The following EYS variants were observed in gnomAD, a reference collection of about 807,000 sequenced individuals.
The protein encoded by EYS is protein eyes shut homolog.
A neutral mutation model predicts 282.1 loss-of-function variants in EYS; 250 were observed. The observed-to-expected ratio is 0.89, with a 90% confidence interval of 0.80 to 0.98. EYS has a LOEUF of 0.98. Ranked by LOEUF, EYS falls within the 50% of genes least tolerant of loss-of-function variation. EYS has a pLI of 0.00. For missense variants in EYS, 4,016 were observed against 3,709.0 expected, an observed-to-expected ratio of 1.08 and a Z score of -2.15; for synonymous variants, 1,355 against 1,282.9, an observed-to-expected ratio of 1.06 and a Z score of -1.20.
intron 28 of EYS, among the ~76,000 whole-genome samples, chr6:64,404,011 T>G (rs570430154): frequency 6.6e-6 from 1 of 152,188 alleles, no homozygotes; most frequent in African/African-American, 2.4e-5. Flanking sequence ...ATTTCTTATA[T>G]TCTGTGCTGG....
intron 30 of EYS, among the ~76,000 whole-genome samples, chr6:64,306,684 T>C (rs1769457495): frequency 1.3e-5 from 2 of 152,198 alleles, no homozygotes. Context: ...ATTTTTAAAC[T>C]AACTCTGATA....
intron 15 of EYS, among the ~76,000 whole-genome samples, chr6:64,929,852 A>G (rs1768650380): frequency 6.6e-6 from 1 of 152,142 alleles, no homozygotes; most frequent in African/African-American, 2.4e-5. Context: ...ATTGATGTGG[A>G]GTCACACCTG....
At position 65,694,792 on chromosome 6, in the gene EYS, A is replaced by G. The variant is rs1582612327; in HGVS notation, c.-448+12343T>C. 2.2e-5 allele frequency among the ~76,000 whole-genome samples: 3 copies of G among 137,904 alleles called. 1 individual carries two copies. The South Asian group carries it at 7.3e-4, about 34-fold the overall frequency. 90.5% of individuals were successfully genotyped at this position (137,904 alleles called of 152,430 possible). ...AACCCTTAGCCATTTATATTTGTCC[A>G]TAGTTTGCTCTGCTATGTTAGATTG... On this transcript the variant is annotated intron_variant, in intron 1 of 42. Coordinates refer to ENST00000503581, the MANE Select transcript of EYS (RefSeq NM_001142800.2).
At chr6:64,981,103 T>C (rs554951217) in intron 14 of EYS, among the ~76,000 whole-genome samples, 2 of 151,460 alleles carry the variant, frequency 1.3e-5, no homozygotes, top group Middle Eastern at 6.8e-3. Flanking sequence ...GGATGAGCAA[T>C]TCATTCCTAT....
intron 14 of EYS, among the ~76,000 whole-genome samples, chr6:64,957,671 T>A (rs1419191444): frequency 6.6e-6 from 1 of 152,164 alleles, no homozygotes; most frequent in Non-Finnish European, 1.5e-5. Flanking sequence ...ATTTGATTAT[T>A]TCACATTGCA....
At chr6:65,419,372 G>T (rs552999385) in intron 5 of EYS, among the ~76,000 whole-genome samples, 1 of 151,828 alleles carries the variant, frequency 6.6e-6, no homozygotes, top group African/African-American at 2.4e-5. Flanking sequence ...TAGTAGAATT[G>T]CAATCTAAAC....
intron 22 of EYS, among the ~76,000 whole-genome samples, chr6:64,763,585 AAC>A (rs772003405): frequency 1.3e-5 from 2 of 152,056 alleles, no homozygotes; most frequent in Non-Finnish European, 2.9e-5. Flanking sequence ...ATATTATTCC[AAC>A]CCTGGCCCCT....
intron 33 of EYS, among the ~76,000 whole-genome samples, chr6:64,006,965 G>A (rs948194643): frequency 2.6e-5 from 4 of 151,988 alleles, no homozygotes; most frequent in Admixed American, 2.6e-4. Context: ...TGTTTTTGTT[G>A]CTGTGTCTCT....
chr6:64,530,302 GACTT>G (rs370727451), intron 26 of EYS, among the ~76,000 whole-genome samples: 53 of 151,904 alleles, frequency 3.5e-4, no homozygotes, highest in Admixed American at 6.6e-4. Context: ...ATGAACAAGA[GACTT>G]AGTAAGTGAA....
At chr6:64,727,343 T>G (rs1222030882) in intron 22 of EYS, among the ~76,000 whole-genome samples, 1 of 152,208 alleles carries the variant, frequency 6.6e-6, no homozygotes, top group Non-Finnish European at 1.5e-5. Context: ...CATGGAATTC[T>G]GGTACTTAAA....
intron 15 of EYS, among the ~76,000 whole-genome samples, chr6:64,913,293 A>C (rs796894812): frequency 6.6e-6 from 1 of 152,110 alleles, no homozygotes; most frequent in South Asian, 2.1e-4. Flanking sequence ...TTACATGTGC[A>C]GGTTTGTAAC....
chr6:65,100,020 T>C (rs1053265650), intron 12 of EYS, among the ~76,000 whole-genome samples: 1 of 150,866 alleles, frequency 6.6e-6, no homozygotes, highest in Non-Finnish European at 1.5e-5. Flanking sequence ...GATTGAATAT[T>C]CTTGATAAGC....
At chr6:64,993,691 C>T (rs375924393) in intron 14 of EYS, among the ~76,000 whole-genome samples, 1 of 149,076 alleles carries the variant, frequency 6.7e-6, no homozygotes, top group Non-Finnish European at 1.5e-5. Flanking sequence ...CTAACCTGCA[C>T]GTTGTGCACA....
intron 12 of EYS, among the ~76,000 whole-genome samples, chr6:65,129,488 A>C (rs975565669): frequency 6.6e-6 from 1 of 152,014 alleles, no homozygotes; most frequent in Non-Finnish European, 1.5e-5. Context: ...TAACCCCATT[A>C]AAAAATGGTC....
chr6:64,990,512 A>C (rs751786395), intron 14 of EYS, among the ~76,000 whole-genome samples: 4 of 151,638 alleles, frequency 2.6e-5, no homozygotes, highest in Non-Finnish European at 5.9e-5. Flanking sequence ...ATTCTTTCAA[A>C]ATAAATTCAT....
At chr6:65,635,597 A>T (rs1159424025) in intron 2 of EYS, among the ~76,000 whole-genome samples, 1 of 152,174 alleles carries the variant, frequency 6.6e-6, no homozygotes, top group Admixed American at 6.5e-5. Flanking sequence ...TACAGGCACG[A>T]GCCACAGCAC....
At chr6:64,747,900 C>T (rs1562169059) in intron 22 of EYS, among the ~76,000 whole-genome samples, 1 of 152,154 alleles carries the variant, frequency 6.6e-6, no homozygotes, top group Non-Finnish European at 1.5e-5. Context: ...TTGCATTTGT[C>T]ACTTAAATTA....
intron 40 of EYS, among the ~76,000 whole-genome samples, chr6:63,764,492 TG>T (rs1361850832): frequency 6.6e-6 from 1 of 152,012 alleles, no homozygotes; most frequent in Non-Finnish European, 1.5e-5. Context: ...TTTTTAAACG[TG>T]ATGCTGTCAT....
At chr6:64,051,983 T>C (rs1770824593) in intron 33 of EYS, among the ~76,000 whole-genome samples, 1 of 152,156 alleles carries the variant, frequency 6.6e-6, no homozygotes, top group Non-Finnish European at 1.5e-5. Flanking sequence ...CCTTGAGTCA[T>C]GTGGCTCCAT....
Sources: allele counts gnomAD v4.1 joint callset (sites outside exome capture counted in the v4.1 genomes callset), GRCh38; gene constraint gnomAD v4.1.1; transcripts MANE v1.5; gene names NCBI Gene and HGNC (gene_info 2026-07-23, HGNC 2026-07-21).